Variants in SMOC2 observed in about 807,000 individuals in gnomAD.
SMOC2 encodes SPARC-related modular calcium-binding protein 2.
SMOC2 carries 39 observed loss-of-function variants against 61.4 expected under a neutral mutation model. The ratio of observed to expected loss-of-function variants is 0.64; its 90% CI spans 0.49 to 0.83. The LOEUF (loss-of-function observed/expected upper bound fraction) is 0.83, where lower values mean the gene tolerates loss of function less well. SMOC2 is among the 40% of genes least tolerant of loss of function. The probability of loss-of-function intolerance (pLI) is 0.00; values close to 1 mark genes in which losing one functional copy is unlikely to be tolerated. For synonymous variants in SMOC2, 247 were observed against 239.9 expected, an observed-to-expected ratio of 1.03 and a Z score of -0.27; for missense variants, 556 against 592.9, an observed-to-expected ratio of 0.94 and a Z score of 0.65.
rs988318666 is a variant in SMOC2, at chr6:168,476,823, G to A, written c.85-33092G>A. 3.3e-5 allele frequency among the ~76,000 whole-genome samples: 5 copies of A among 152,052 alleles called. 1 individual carries two copies. Among genetic ancestry groups the A allele is most frequent in the Non-Finnish European group, 7.4e-5 (5 of 67,996 alleles). Reference sequence around the variant, plus strand: ...TTTGGATGTGAAATTGTTGGGTCAAGAGTTATCAACACTTCAAGGGATTTT... The same window carrying A: ...TTTGGATGTGAAATTGTTGGGTCAAAAGTTATCAACACTTCAAGGGATTTT... On this transcript the variant is annotated intron_variant, in intron 1 of 12. Coordinates refer to ENST00000356284, the MANE Select transcript of SMOC2 (RefSeq NM_001166412.2).
intron 8 of SMOC2, 28 bp from the exon 9 acceptor site, chr6:168,608,129 C>T: frequency 6.3e-7 from 1 of 1,591,546 alleles, no homozygotes; most frequent in Non-Finnish European, 8.6e-7. Flanking sequence ...TTTTCTCTCT[C>T]CTTCCCCCGC....
At chr6:168,575,042 G>C (rs1048951071) in intron 7 of SMOC2, among the ~76,000 whole-genome samples, 2 of 152,124 alleles carry the variant, frequency 1.3e-5, no homozygotes, top group Non-Finnish European at 2.9e-5. Context: ...TGTCAGGAAG[G>C]CCTGCCAGCT....
At chr6:168,584,420 C>T (rs1279326354) in intron 7 of SMOC2, among the ~76,000 whole-genome samples, 2 of 152,252 alleles carry the variant, frequency 1.3e-5, no homozygotes, top group East Asian at 3.9e-4. Flanking sequence ...ACGAAACTTG[C>T]ATAGATAAAG....
At chr6:168,650,645 A>T (rs753147550) in intron 9 of SMOC2, 36 bp from the exon 10 acceptor site, 16 of 1,583,844 alleles carry the variant, frequency 1.0e-5, no homozygotes, top group Non-Finnish European at 1.3e-5. Flanking sequence ...GTTAGGCTTT[A>T]TGAGTTAATT....
intron 1 of SMOC2, among the ~76,000 whole-genome samples, chr6:168,472,540 G>A (rs1781987171): frequency 6.6e-6 from 1 of 152,114 alleles, no homozygotes; most frequent in South Asian, 2.1e-4. Context: ...GAGATTGTAG[G>A]ATGGGCAGCA....
At chr6:168,443,656 G>GT (rs963469591) in intron 1 of SMOC2, among the ~76,000 whole-genome samples, 1 of 152,228 alleles carries the variant, frequency 6.6e-6, no homozygotes, top group African/African-American at 2.4e-5. Flanking sequence ...GATGTGAGAT[G>GT]TGCAGGATTT....
intron 7 of SMOC2, among the ~76,000 whole-genome samples, chr6:168,559,079 T>C (rs1358523154): frequency 6.6e-6 from 1 of 152,258 alleles, no homozygotes; most frequent in Non-Finnish European, 1.5e-5. Context: ...CATGTTGTTA[T>C]GAAATTTGTG....
At chr6:168,472,068 C>T (rs892338121) in intron 1 of SMOC2, among the ~76,000 whole-genome samples, 2 of 152,224 alleles carry the variant, frequency 1.3e-5, no homozygotes, top group African/African-American at 4.8e-5. Context: ...CCAGTTTATC[C>T]ATTTTTCCTG....
At chr6:168,555,652 A>C (rs1784230187) in intron 7 of SMOC2, among the ~76,000 whole-genome samples, 1 of 152,136 alleles carries the variant, frequency 6.6e-6, no homozygotes, top group Non-Finnish European at 1.5e-5. Context: ...ATTTGAACCA[A>C]ATTGGGATCT....
At chr6:168,613,185 G>A (rs1183301249) in intron 9 of SMOC2, among the ~76,000 whole-genome samples, 2 of 152,196 alleles carry the variant, frequency 1.3e-5, no homozygotes, top group African/African-American at 4.8e-5. Context: ...CAGGCACTGT[G>A]GTCCAGGCCA....
chr6:168,541,388 C>T (rs1363334156), intron 4 of SMOC2, among the ~76,000 whole-genome samples: 3 of 152,186 alleles, frequency 2.0e-5, no homozygotes, highest in Non-Finnish European at 2.9e-5. Flanking sequence ...CCTTCTTTCT[C>T]GGCCCCTTTT....
rs545535891 is a variant in SMOC2, at chr6:168,640,824, TC to T, written c.908-9855del. 1.5e-4 allele frequency among the ~76,000 whole-genome samples: 23 copies of T among 152,306 alleles called. No homozygotes were observed. The South Asian group carries it at 4.8e-3, about 32-fold the overall frequency. ...GTTTCTCTTTTGACTTGAAAGCATTTCCTAAACTACATATGCGGGGAAAGAA... is the reference window on the plus strand; with the variant it reads ...GTTTCTCTTTTGACTTGAAAGCATTTCTAAACTACATATGCGGGGAAAGAA... On this transcript the variant is annotated intron_variant, in intron 9 of 12. Coordinates refer to ENST00000356284, the MANE Select transcript of SMOC2 (RefSeq NM_001166412.2).
At chr6:168,613,198 C>A (rs550443304) in intron 9 of SMOC2, among the ~76,000 whole-genome samples, 1 of 152,312 alleles carries the variant, frequency 6.6e-6, no homozygotes, top group East Asian at 1.9e-4. Flanking sequence ...CCAGGCCACC[C>A]CAAAGGCAGC....
At chr6:168,441,510 C>A (rs536186606) in intron 1 of SMOC2, 56 bp downstream of exon 1, 2 of 1,440,932 alleles carry the variant, frequency 1.4e-6, no homozygotes, top group South Asian at 1.4e-5. Context: ...TTGCAGCCGG[C>A]CGGGTTCGGG....
intron 12 of SMOC2, chr6:168,664,516 A>T (rs2115295652): frequency 2.6e-6 from 1 of 388,596 alleles, no homozygotes; most frequent in Admixed American, 3.7e-5. Flanking sequence ...ACCCGGCTGA[A>T]TTTTTTCAAG....
At chr6:168,488,059 G>A (rs1019386206) in intron 1 of SMOC2, among the ~76,000 whole-genome samples, 3 of 152,140 alleles carry the variant, frequency 2.0e-5, no homozygotes, top group Admixed American at 2.0e-4. Flanking sequence ...ATCTGCAGTC[G>A]TTCTAGGGGC....
chr6:168,621,837 A>G (rs898205957), intron 9 of SMOC2, among the ~76,000 whole-genome samples: 8 of 151,992 alleles, frequency 5.3e-5, no homozygotes, highest in Admixed American at 3.9e-4. Context: ...TTACAATTCA[A>G]GGTGAGATCT....
chr6:168,642,527 C>T (rs1291527945), intron 9 of SMOC2, among the ~76,000 whole-genome samples: 1 of 151,432 alleles, frequency 6.6e-6, no homozygotes, highest in East Asian at 1.9e-4. Flanking sequence ...GGACTTCTTT[C>T]TCTACTGCGT....
At chr6:168,651,509 C>G (rs1035693262) in intron 10 of SMOC2, among the ~76,000 whole-genome samples, 1 of 152,144 alleles carries the variant, frequency 6.6e-6, no homozygotes, top group Non-Finnish European at 1.5e-5. Context: ...CATAGTTTAT[C>G]TGTTTCTTTC....
Sources: gnomAD v4.1 joint callset for allele counts (sites outside exome capture counted in the v4.1 genomes callset) on GRCh38, gnomAD v4.1.1 for gene constraint, MANE v1.5 for transcripts, NCBI Gene and HGNC (gene_info 2026-07-23, HGNC 2026-07-21) for gene names.